Variants in TRPC5 observed in about 807,000 individuals in gnomAD.
TRPC5 encodes short transient receptor potential channel 5.
TRPC5 carries 9 observed loss-of-function variants against 56.5 expected under a neutral mutation model. The observed-to-expected ratio is 0.16, with a 90% CI of 0.10 to 0.28. The LOEUF (loss-of-function observed/expected upper bound fraction) is 0.28, where lower values mean the gene tolerates loss of function less well. Ranked by LOEUF, TRPC5 falls within the 10% of genes least tolerant of loss-of-function variation. The pLI, the probability that TRPC5 is intolerant of heterozygous loss-of-function variation, is 1.00. For missense variants in TRPC5, 469 were observed against 748.9 expected (o/e 0.63, Z 4.36); for synonymous variants, 282 against 278.5 (o/e 1.01, Z -0.13).
chrX:112,051,945 G>A (rs768223773), intron 1 of TRPC5, among the ~76,000 whole-genome samples: 3 of 112,068 alleles, frequency 2.7e-5, no homozygotes, highest in East Asian at 5.6e-4. Flanking sequence ...TGCAGTGTGT[G>A]TCAGAATTTC....
intron 1 of TRPC5, among the ~76,000 whole-genome samples, chrX:112,057,315 G>A (rs777131496): frequency 3.2e-5 from 3 of 93,693 alleles, no homozygotes; most frequent in South Asian, 8.0e-4. Context: ...TATGTGACCC[G>A]GGAAAAATGA....
chrX:111,888,133 C>T (rs1158424748), intron 3 of TRPC5, among the ~76,000 whole-genome samples: 1 of 110,880 alleles, frequency 9.0e-6, no homozygotes, highest in Non-Finnish European at 1.9e-5. Flanking sequence ...GGCAGAATAG[C>T]CAGTATAAAG....
intron 1 of TRPC5, among the ~76,000 whole-genome samples, chrX:112,006,197 T>C (rs1232326284): frequency 9.0e-6 from 1 of 110,756 alleles, no homozygotes; most frequent in Non-Finnish European, 1.9e-5. Context: ...GGATGGTGGT[T>C]GAGAGGTACA....
chrX:112,063,987 A>G lies in TRPC5; in HGVS notation c.-22+17892T>C, dbSNP rs754681115. Among the ~76,000 whole-genome samples, 12 of 111,651 alleles carry G rather than the reference A, an allele frequency of 1.1e-4. No individual in the cohort carries two copies. In the South Asian group the frequency reaches 4.2e-3, roughly 39 times the overall value. Reference sequence around the variant, plus strand: ...CTTACTTATTCTAAAGCCATTTATGATCATTGCATTTGTCTACAAGCCAGC... The same window carrying G: ...CTTACTTATTCTAAAGCCATTTATGGTCATTGCATTTGTCTACAAGCCAGC... On this transcript the variant is annotated intron_variant, in intron 1 of 10. Coordinates refer to ENST00000262839, the MANE Select transcript of TRPC5 (RefSeq NM_012471.3).
intron 1 of TRPC5, among the ~76,000 whole-genome samples, chrX:112,024,645 G>C (rs1044611064): frequency 1.8e-5 from 2 of 111,549 alleles, no homozygotes; most frequent in Admixed American, 9.5e-5. Flanking sequence ...AGTGCCTGCA[G>C]AGGCCCCTGA....
At chrX:112,024,780 A>G (rs1306425887) in intron 1 of TRPC5, among the ~76,000 whole-genome samples, 2 of 111,948 alleles carry the variant, frequency 1.8e-5, no homozygotes, top group East Asian at 2.8e-4. Context: ...GTGATTTTAG[A>G]GAAAGGAAGT....
chrX:111,981,801 A>G (rs943849282), intron 1 of TRPC5, among the ~76,000 whole-genome samples: 1 of 112,223 alleles, frequency 8.9e-6, no homozygotes, highest in Non-Finnish European at 1.9e-5. Flanking sequence ...GGAATAAAAA[A>G]GGAAATAATA....
intron 3 of TRPC5, among the ~76,000 whole-genome samples, chrX:111,880,620 C>T (rs1333922862): frequency 8.9e-6 from 1 of 112,310 alleles, no homozygotes; most frequent in Non-Finnish European, 1.9e-5. Flanking sequence ...TAACTTATAA[C>T]TTGGTACAGA....
At chrX:111,806,049 A>AG (rs1921498956) in intron 7 of TRPC5, among the ~76,000 whole-genome samples, 1 of 110,448 alleles carries the variant, frequency 9.1e-6, no homozygotes, top group Non-Finnish European at 1.9e-5. Flanking sequence ...CATTTAAAAA[A>AG]TGTTTTATTG....
intron 7 of TRPC5, among the ~76,000 whole-genome samples, chrX:111,829,709 G>A (rs1922353187): frequency 8.9e-6 from 1 of 112,905 alleles, no homozygotes; most frequent in South Asian, 3.6e-4. Context: ...GGTCCTGTGG[G>A]TGGGCAGAAG....
At position 111,840,038 on chromosome X, in the gene TRPC5, C is replaced by T. The variant is rs769969799; in HGVS notation, c.1701-4922G>A. Among the ~76,000 whole-genome samples, 9 of 111,783 alleles carry T rather than the reference C, an allele frequency of 8.1e-5. No homozygotes were observed. The East Asian group carries it at 8.4e-4, about 10-fold the overall frequency. On this transcript the variant is annotated intron_variant, in intron 6 of 10. Transcript: ENST00000262839. ...ACAAAAAATTAGCCGGGCATGGTGG[C>T]GGGCGCCTGTAGTCCCAGCTACTCG... is the stretch of plus-strand genomic sequence containing the variant.
At chrX:112,062,750 T>C (rs965440062) in intron 1 of TRPC5, among the ~76,000 whole-genome samples, 3 of 111,762 alleles carry the variant, frequency 2.7e-5, no homozygotes, top group African/African-American at 6.5e-5. Flanking sequence ...CTAAGGTCCA[T>C]GGGAAAAGGG....
chrX:112,034,590 A>C (rs1763875199), intron 1 of TRPC5, among the ~76,000 whole-genome samples: 1 of 105,381 alleles, frequency 9.5e-6, no homozygotes, highest in African/African-American at 3.6e-5. Context: ...TTTTACATTG[A>C]TGGATTTTTT....
chrX:111,951,355 A>G (rs748533189), intron 2 of TRPC5, among the ~76,000 whole-genome samples: 1 of 112,112 alleles, frequency 8.9e-6, no homozygotes, highest in Non-Finnish European at 1.9e-5. Context: ...AGACTGGTGA[A>G]AGACGAACTA....
intron 6 of TRPC5, among the ~76,000 whole-genome samples, chrX:111,838,462 G>C (rs1308112774): frequency 9.0e-6 from 1 of 110,757 alleles, no homozygotes; most frequent in Non-Finnish European, 1.9e-5. Context: ...GTGGTGGTGG[G>C]GGTGTACTAC....
At chrX:111,819,008 T>A (rs955206308) in intron 7 of TRPC5, among the ~76,000 whole-genome samples, 2 of 111,487 alleles carry the variant, frequency 1.8e-5, no homozygotes, top group Non-Finnish European at 3.8e-5. Context: ...AGTGAAAAAA[T>A]TTGTCTAAAG....
intron 2 of TRPC5, among the ~76,000 whole-genome samples, chrX:111,945,574 A>G (rs1926914146): frequency 9.0e-6 from 1 of 111,297 alleles, no homozygotes; most frequent in African/African-American, 3.3e-5. Context: ...ATATTTTTAA[A>G]GATTTTGTTC....
At chrX:111,870,863 A>T (rs1923733063) in intron 3 of TRPC5, among the ~76,000 whole-genome samples, 2 of 110,905 alleles carry the variant, frequency 1.8e-5, no homozygotes, top group African/African-American at 6.6e-5. Flanking sequence ...AAGGTCCCTC[A>T]TTTTTTTTCT....
intron 2 of TRPC5, among the ~76,000 whole-genome samples, chrX:111,940,709 AG>A (rs1455608524): frequency 1.1e-3 from 124 of 108,904 alleles, no homozygotes; most frequent in African/African-American, 4.0e-3. Context: ...AAAAAAAAAA[AG>A]AATAAACTAC....
Sources: gnomAD v4.1 joint callset for allele counts (sites outside exome capture counted in the v4.1 genomes callset) on GRCh38, gnomAD v4.1.1 for gene constraint, MANE v1.5 for transcripts, NCBI Gene and HGNC (gene_info 2026-07-23, HGNC 2026-07-21) for gene names.